The following ADCK1 variants were observed in gnomAD, a reference collection of about 807,000 sequenced individuals.
ADCK1 encodes the protein aarF domain containing kinase 1.
ADCK1 carries 41 observed loss-of-function variants against 52.3 expected under a neutral mutation model. The ratio of observed to expected loss-of-function variants is 0.78; its 90% CI spans 0.61 to 1.02. The LOEUF (loss-of-function observed/expected upper bound fraction) is 1.02, where lower values mean the gene tolerates loss of function less well. Among genes scored for constraint, ADCK1 ranks in the 50% least tolerant of loss-of-function variants. The probability of loss-of-function intolerance (pLI) is 0.00; values close to 1 mark genes in which losing one functional copy is unlikely to be tolerated. For synonymous variants in ADCK1, 250 were observed against 274.6 expected (o/e 0.91, Z 0.89); for missense variants, 658 against 679.5 (o/e 0.97, Z 0.35).
chr14:77,857,437 C>T (rs3783970), intron 3 of ADCK1, among the ~76,000 whole-genome samples: 1 of 151,862 alleles, frequency 6.6e-6, no homozygotes, highest in South Asian at 2.1e-4. Flanking sequence ...TAAATATAGT[C>T]ATTCTCCTCT....
intron 3 of ADCK1, among the ~76,000 whole-genome samples, chr14:77,837,176 GTC>G (rs2081979383): frequency 6.9e-6 from 1 of 145,296 alleles, no homozygotes; most frequent in African/African-American, 2.6e-5. Context: ...TTTTGAGACA[GTC>G]TGGCTCTGTT....
intron 5 of ADCK1, among the ~76,000 whole-genome samples, chr14:77,896,607 C>T (rs1358894931): frequency 2.0e-5 from 3 of 152,242 alleles, no homozygotes; most frequent in African/African-American, 7.2e-5. Flanking sequence ...TGCTCTGCAT[C>T]TGCTCTGGTT....
At chr14:77,824,440 T>C (rs796258544) in intron 3 of ADCK1, among the ~76,000 whole-genome samples, 8 of 149,110 alleles carry the variant, frequency 5.4e-5, no homozygotes, top group South Asian at 4.2e-4. Context: ...TTCTTTCTTT[T>C]TTTTTTTTTT....
intron 3 of ADCK1, among the ~76,000 whole-genome samples, chr14:77,850,495 T>A (rs2082259480): frequency 6.6e-6 from 1 of 152,204 alleles, no homozygotes; most frequent in South Asian, 2.1e-4. Context: ...GCATAAATGT[T>A]TAGGATGGTA....
intron 1 of ADCK1, among the ~76,000 whole-genome samples, chr14:77,811,008 C>T (rs2081329116): frequency 6.6e-6 from 1 of 151,784 alleles, no homozygotes. Flanking sequence ...GATTAGGGAC[C>T]TGTGTCTCGG....
intron 7 of ADCK1, among the ~76,000 whole-genome samples, chr14:77,909,492 G>C (rs536890233): frequency 2.6e-5 from 4 of 152,160 alleles, no homozygotes; most frequent in Non-Finnish European, 1.5e-5. Context: ...GAAGATGAGC[G>C]TGAGCATGTG....
intron 3 of ADCK1, among the ~76,000 whole-genome samples, chr14:77,825,069 A>G (rs1420392007): frequency 6.6e-6 from 1 of 152,200 alleles, no homozygotes; most frequent in Non-Finnish European, 1.5e-5. Flanking sequence ...GGCAATTATT[A>G]TTTCTTGTGC....
chr14:77,915,443 A>C (rs1174151284), intron 7 of ADCK1, among the ~76,000 whole-genome samples: 3 of 149,418 alleles, frequency 2.0e-5, no homozygotes, highest in African/African-American at 7.4e-5. Flanking sequence ...TTATGCTGCT[A>C]TAAAGACACA....
intron 7 of ADCK1, among the ~76,000 whole-genome samples, chr14:77,914,990 A>C (rs1293491330): frequency 2.6e-5 from 4 of 151,394 alleles, no homozygotes; most frequent in Non-Finnish European, 5.9e-5. Context: ...CCTTGTCACC[A>C]CCTCCAGTTG....
chr14:77,859,953 A>G (rs2082508255), intron 4 of ADCK1, among the ~76,000 whole-genome samples: 1 of 152,180 alleles, frequency 6.6e-6, no homozygotes, highest in Admixed American at 6.5e-5. Context: ...CTTAGTCCTC[A>G]GTGCTTGTGC....
chr14:77,892,174 T>G (rs1362798947), intron 5 of ADCK1, among the ~76,000 whole-genome samples: 1 of 152,194 alleles, frequency 6.6e-6, no homozygotes, highest in Non-Finnish European at 1.5e-5. Flanking sequence ...AGCAATCTGA[T>G]GAAAGCAGTT....
At chr14:77,928,232 G>A (rs1055697639) in intron 9 of ADCK1, among the ~76,000 whole-genome samples, 1 of 152,140 alleles carries the variant, frequency 6.6e-6, no homozygotes, top group Non-Finnish European at 1.5e-5. Context: ...TCGTAGGGAA[G>A]ACTGGGAAGG....
At chr14:77,915,760 A>C (rs529205964) in intron 7 of ADCK1, among the ~76,000 whole-genome samples, 38 of 152,322 alleles carry the variant, frequency 2.5e-4, no homozygotes, top group African/African-American at 8.9e-4. Context: ...CAAAGGTGTC[A>C]GGAGTGAGTA....
At chr14:77,816,881 AATATATATAT>A (rs71128689) in intron 1 of ADCK1, among the ~76,000 whole-genome samples, 2 of 110,028 alleles carry the variant, frequency 1.8e-5, no homozygotes, top group African/African-American at 5.8e-5. Context: ...GTAGATGGTA[AATATATATAT>A]ATATATATAT....
chr14:77,824,436 C>CTTTTT (rs755099441), intron 3 of ADCK1, among the ~76,000 whole-genome samples: 3 of 133,962 alleles, frequency 2.2e-5, no homozygotes, highest in Non-Finnish European at 3.2e-5. Flanking sequence ...TTCTTTCTTT[C>CTTTTT]TTTTTTTTTT....
chr14:77,852,897 A>ATTTTTTT (rs2082334200), intron 3 of ADCK1, among the ~76,000 whole-genome samples: 2 of 34,726 alleles, frequency 5.8e-5, no homozygotes, highest in African/African-American at 1.5e-4. Flanking sequence ...ATATATATAT[A>ATTTTTTT]TATATATATA....
At chr14:77,857,923 C>T (rs757032266) in intron 3 of ADCK1, among the ~76,000 whole-genome samples, 20 of 152,184 alleles carry the variant, frequency 1.3e-4, no homozygotes, top group Non-Finnish European at 2.8e-4. Context: ...CATCCTGCCT[C>T]AGAGGCTTTA....
chr14:77,822,125 A>G (rs2081596367), intron 2 of ADCK1, among the ~76,000 whole-genome samples: 2 of 152,196 alleles, frequency 1.3e-5, no homozygotes, highest in Admixed American at 6.6e-5. Flanking sequence ...AGGAAGAGAC[A>G]GTTCATAAAC....
At chr14:77,919,840 T>C (rs188183652) in intron 7 of ADCK1, among the ~76,000 whole-genome samples, 2 of 152,338 alleles carry the variant, frequency 1.3e-5, no homozygotes, top group Admixed American at 6.5e-5. Context: ...ATTAGTGACG[T>C]TGAGCATTTT....
Sources: allele counts gnomAD v4.1 joint callset (sites outside exome capture counted in the v4.1 genomes callset), GRCh38; gene constraint gnomAD v4.1.1; transcripts MANE v1.5; gene names NCBI Gene and HGNC (gene_info 2026-07-23, HGNC 2026-07-21).